SEMA3D: variants seen among roughly 807,000 people sequenced by gnomAD.
SEMA3D encodes semaphorin 3D, also known as semaphorin-3D.
A neutral mutation model predicts 100.1 loss-of-function variants in SEMA3D; 84 were observed. The ratio of observed to expected loss-of-function variants is 0.84; its 90% CI spans 0.70 to 1.01. The LOEUF is 1.01. Among genes scored for constraint, SEMA3D ranks in the 50% least tolerant of loss-of-function variants. The pLI, the probability that SEMA3D is intolerant of heterozygous loss-of-function variation, is 0.00. For synonymous variants in SEMA3D, 312 were observed against 320.7 expected (o/e 0.97, Z 0.29); for missense variants, 875 against 934.1 (o/e 0.94, Z 0.82).
At chr7:85,023,905 A>G (rs1437648009) in intron 12 of SEMA3D, among the ~76,000 whole-genome samples, 1 of 151,920 alleles carries the variant, frequency 6.6e-6, no homozygotes, top group African/African-American at 2.4e-5. Flanking sequence ...AAAAATTTTC[A>G]ATGTCTGGTA....
chr7:85,069,968 G>T (rs2116170996), intron 6 of SEMA3D, among the ~76,000 whole-genome samples: 1 of 152,294 alleles, frequency 6.6e-6, no homozygotes, highest in South Asian at 2.1e-4. Context: ...TGAATGTTAA[G>T]TGACTAGAAT....
At chr7:85,237,840 GA>G in the SEMA3D span, among the ~76,000 whole-genome samples, 1 of 152,198 alleles carries the variant, frequency 6.6e-6, no homozygotes, top group East Asian at 1.9e-4. Flanking sequence ...TATTTTGTAA[GA>G]AACCACAATT....
At chr7:85,086,722 T>C (rs1788228096) in intron 4 of SEMA3D, among the ~76,000 whole-genome samples, 1 of 151,412 alleles carries the variant, frequency 6.6e-6, no homozygotes, top group African/African-American at 2.4e-5. Flanking sequence ...CACACGCAGT[T>C]ATATAAAGGG....
intron 9 of SEMA3D, among the ~76,000 whole-genome samples, chr7:85,051,489 C>T (rs1175498129): frequency 6.6e-6 from 1 of 151,928 alleles, no homozygotes; most frequent in Non-Finnish European, 1.5e-5. Flanking sequence ...ATTGCCTCTG[C>T]AGACACTTTT....
At chr7:85,138,005 C>G (rs1010198338) in intron 2 of SEMA3D, among the ~76,000 whole-genome samples, 1 of 152,034 alleles carries the variant, frequency 6.6e-6, no homozygotes, top group African/African-American at 2.4e-5. Flanking sequence ...TTGCATATGG[C>G]CTGAATTTTA....
intron 1 of SEMA3D, among the ~76,000 whole-genome samples, chr7:85,179,432 T>A (rs746482458): frequency 1.3e-4 from 20 of 152,106 alleles, no homozygotes; most frequent in Non-Finnish European, 2.8e-4. Context: ...AGACATGGAG[T>A]CAAAGGAGAT....
chr7:85,097,013 A>G (rs941568815), intron 4 of SEMA3D, among the ~76,000 whole-genome samples: 3 of 151,842 alleles, frequency 2.0e-5, no homozygotes, highest in Non-Finnish European at 4.4e-5. Context: ...TGTTTCAAAG[A>G]TGCAGAAGAG....
chr7:85,095,895 CAAAG>C (rs925616752), intron 4 of SEMA3D, among the ~76,000 whole-genome samples: 1 of 151,754 alleles, frequency 6.6e-6, no homozygotes, highest in African/African-American at 2.4e-5. Context: ...GGAACATCGC[CAAAG>C]AGAGATTTGC....
chr7:85,091,108 G>A (rs777875102), intron 4 of SEMA3D, among the ~76,000 whole-genome samples: 2 of 144,956 alleles, frequency 1.4e-5, no homozygotes, highest in African/African-American at 5.2e-5. Flanking sequence ...GAGAGAGGGA[G>A]GGAGGGAAAG....
rs112792095 is a variant in SEMA3D at position 85,166,361 on chromosome 7, G to T, written c.-172-12622C>A. Among the ~76,000 whole-genome samples, 28 of 152,096 alleles carry T rather than the reference G, an allele frequency of 1.8e-4. 1 individual carries two copies. Among genetic ancestry groups the T allele is most frequent in the Middle Eastern group, 3.4e-3 (1 of 294 alleles). Reference sequence around the variant, plus strand: ...TATGAGTTAGAAAACTAATAAAATAGTTCAGGCAAAAGAACATGAAAGTTT... The same window carrying T: ...TATGAGTTAGAAAACTAATAAAATATTTCAGGCAAAAGAACATGAAAGTTT... On this transcript the variant is annotated intron_variant, in intron 1 of 18. Transcript: ENST00000284136.
Position 85,056,272 on chromosome 7 carries a change from T to C in SEMA3D, c.719-413A>G, listed in dbSNP as rs370060185. Among the ~76,000 whole-genome samples the C allele has an allele frequency of 3.3e-5, 5 of 152,176 alleles. No individual in the cohort carries two copies. In the South Asian group the frequency reaches 1.0e-3, roughly 32 times the overall value. ...TGTATTAATACTTTGATGAATTTTG[T>C]GTAATTGCCCTAGGGGTATAAAAAT... On this transcript the variant is annotated intron_variant, in intron 8 of 18. Coordinates refer to ENST00000284136, the MANE Select transcript of SEMA3D (RefSeq NM_001384900.1).
At chr7:85,212,661 T>G in the SEMA3D span, among the ~76,000 whole-genome samples, 1 of 152,036 alleles carries the variant, frequency 6.6e-6, no homozygotes, top group Non-Finnish European at 1.5e-5. Context: ...CTGAAATAAA[T>G]TAAGCTTTGT....
At chr7:85,060,294 G>C (rs369083772) in intron 8 of SEMA3D, among the ~76,000 whole-genome samples, 1 of 152,132 alleles carries the variant, frequency 6.6e-6, no homozygotes, top group South Asian at 2.1e-4. Context: ...GCATACTTGA[G>C]AGTTAAAAAT....
chr7:85,057,751 G>A (rs1157460655), intron 8 of SEMA3D, among the ~76,000 whole-genome samples: 3 of 151,906 alleles, frequency 2.0e-5, no homozygotes, highest in Middle Eastern at 3.2e-3. Flanking sequence ...TGGCCAATAT[G>A]GTGCAACCCT....
At chr7:85,058,404 T>C (rs1791381886) in intron 8 of SEMA3D, among the ~76,000 whole-genome samples, 1 of 151,562 alleles carries the variant, frequency 6.6e-6, no homozygotes, top group Admixed American at 6.6e-5. Flanking sequence ...AAAAATCTCT[T>C]TTTTTTTAAT....
the SEMA3D span, among the ~76,000 whole-genome samples, chr7:85,241,498 C>G: frequency 2.3e-5 from 2 of 88,240 alleles, no homozygotes; most frequent in East Asian, 2.9e-3. Context: ...TATATGAATA[C>G]TACTCAGCAA....
chr7:85,199,227 T>C, the SEMA3D span, among the ~76,000 whole-genome samples: 1 of 152,136 alleles, frequency 6.6e-6, no homozygotes, highest in African/African-American at 2.4e-5. Flanking sequence ...TTCATGACTA[T>C]TTCTTGTGCA....
upstream of SEMA3D, among the ~76,000 whole-genome samples, chr7:85,191,491 T>G (rs116682586): frequency 7.0e-3 from 1,072 of 152,224 alleles, 20 homozygotes; most frequent in African/African-American, 0.024. Context: ...TCTAAGAAAA[T>G]GAGGTTGAGG....
intron 2 of SEMA3D, among the ~76,000 whole-genome samples, chr7:85,130,068 A>G (rs1188806980): frequency 2.6e-5 from 4 of 152,116 alleles, no homozygotes; most frequent in African/African-American, 7.2e-5. Flanking sequence ...TAAACACCCT[A>G]GGGAAATAGG....
Sources: gnomAD v4.1 joint callset for allele counts (sites outside exome capture counted in the v4.1 genomes callset) on GRCh38, gnomAD v4.1.1 for gene constraint, MANE v1.5 for transcripts, NCBI Gene and HGNC (gene_info 2026-07-23, HGNC 2026-07-21) for gene names.